Variants in PHF21A observed in about 807,000 individuals in gnomAD.
PHF21A encodes the protein BHC80a.
In PHF21A, 11 loss-of-function variants were observed where a neutral mutation model predicts 82.5. The ratio of observed to expected loss-of-function variants is 0.13; its 90% CI spans 0.08 to 0.22. The LOEUF is 0.22. Among genes scored for constraint, PHF21A ranks in the 10% least tolerant of loss-of-function variants. The pLI, the probability that PHF21A is intolerant of heterozygous loss-of-function variation, is 1.00. For missense variants in PHF21A, 579 were observed against 837.8 expected, an observed-to-expected ratio of 0.69 and a Z score of 3.81; for synonymous variants, 297 against 302.8, an observed-to-expected ratio of 0.98 and a Z score of 0.20.
At chr11:46,034,809 T>C (rs1375666796) in intron 6 of PHF21A, among the ~76,000 whole-genome samples, 1 of 152,148 alleles carries the variant, frequency 6.6e-6, no homozygotes, top group Admixed American at 6.5e-5. Context: ...CAGGATATAG[T>C]GATTGGTCTG....
At chr11:45,966,106 C>T (rs1447075757) in intron 9 of PHF21A, among the ~76,000 whole-genome samples, 1 of 151,988 alleles carries the variant, frequency 6.6e-6, no homozygotes, top group Non-Finnish European at 1.5e-5. Context: ...GATTTTTTTC[C>T]CTGGCACCCC....
intron 3 of PHF21A, among the ~76,000 whole-genome samples, chr11:46,087,788 C>T (rs762463305): frequency 9.9e-5 from 15 of 152,146 alleles, no homozygotes; most frequent in Non-Finnish European, 2.2e-4. Context: ...TAGGGTCTTA[C>T]TGTGTCACCC....
At chr11:46,037,816 A>G (rs1368725595) in intron 6 of PHF21A, among the ~76,000 whole-genome samples, 1 of 151,906 alleles carries the variant, frequency 6.6e-6, no homozygotes, top group Admixed American at 6.6e-5. Context: ...TTTTCCTCCA[A>G]ATTTTCTTGC....
intron 6 of PHF21A, among the ~76,000 whole-genome samples, chr11:46,039,806 T>C (rs2096087785): frequency 6.6e-6 from 1 of 152,200 alleles, no homozygotes; most frequent in African/African-American, 2.4e-5. Context: ...AGTCCTTGAC[T>C]AAAGTCAGAG....
In PHF21A at chr11:45,936,722, G is replaced by T. The variant is rs2135068468; in HGVS notation, c.1609-153C>A. 4.9e-6 allele frequency: 3 copies of T among 610,682 alleles called. No individual in the cohort carries two copies. In the East Asian group the frequency reaches 8.6e-5, roughly 17 times the overall value. The allele number at this position is 610,682 out of a possible 1,614,324, so 37.8% of individuals were successfully genotyped here. On this transcript the variant is annotated intron_variant, in intron 16 of 18. Coordinates refer to ENST00000676320, the MANE Select transcript of PHF21A (RefSeq NM_001352027.3). ...GCAAAACCCTGGTCTATAGTTTCTG[G>T]ACTAAAAAGTTCCAAATATCAGCTT...
At chr11:46,074,722 C>T (rs1324467650) in intron 6 of PHF21A, among the ~76,000 whole-genome samples, 1 of 152,158 alleles carries the variant, frequency 6.6e-6, no homozygotes, top group East Asian at 1.9e-4. Flanking sequence ...AGGCTAGTCT[C>T]GAACCCCTGA....
chr11:45,983,261 T>C (rs892528467), intron 6 of PHF21A, among the ~76,000 whole-genome samples: 4 of 150,136 alleles, frequency 2.7e-5, no homozygotes, highest in African/African-American at 9.8e-5. Flanking sequence ...TGGGGGGACA[T>C]GATCAAAATA....
intron 6 of PHF21A, among the ~76,000 whole-genome samples, chr11:46,008,769 G>A (rs540037667): frequency 3.3e-5 from 5 of 152,132 alleles, no homozygotes; most frequent in Admixed American, 2.0e-4. Context: ...TTAGATTTAA[G>A]TAAATAAATG....
chr11:45,949,955 C>T (rs2091883489), intron 12 of PHF21A, among the ~76,000 whole-genome samples: 1 of 152,078 alleles, frequency 6.6e-6, no homozygotes, highest in Non-Finnish European at 1.5e-5. Context: ...AGAAGAGCTC[C>T]CCTAAATGAA....
chr11:46,085,857 T>G (rs2096850349), intron 3 of PHF21A, among the ~76,000 whole-genome samples: 2 of 152,056 alleles, frequency 1.3e-5, no homozygotes, highest in Non-Finnish European at 2.9e-5. Context: ...CTTATTCTCA[T>G]TAGGCATAAA....
chr11:46,093,208 T>G (rs918452699), intron 1 of PHF21A, among the ~76,000 whole-genome samples: 3 of 152,254 alleles, frequency 2.0e-5, no homozygotes, highest in Admixed American at 1.3e-4. Context: ...TCCCTTAATA[T>G]TTTAGTATTA....
chr11:46,011,539 G>A (rs757457001), intron 6 of PHF21A, among the ~76,000 whole-genome samples: 2 of 152,010 alleles, frequency 1.3e-5, no homozygotes, highest in Non-Finnish European at 2.9e-5. Context: ...TAAGAAGATT[G>A]GCAATTTCTA....
intron 6 of PHF21A, among the ~76,000 whole-genome samples, chr11:45,999,180 A>T (rs977840457): frequency 6.6e-6 from 1 of 152,220 alleles, no homozygotes; most frequent in Non-Finnish European, 1.5e-5. Context: ...TAGAAAATTT[A>T]AAAACTATGT....
At chr11:45,977,942 T>C (rs540766692) in intron 7 of PHF21A, among the ~76,000 whole-genome samples, 2 of 151,862 alleles carry the variant, frequency 1.3e-5, no homozygotes, top group East Asian at 1.9e-4. Context: ...CTACACCACA[T>C]ACCACCCTCC....
chr11:45,945,838 AC>A lies in PHF21A; in HGVS notation c.1452+1del. 1 of 1,565,382 alleles carries A rather than the reference AC, an allele frequency of 6.4e-7. No homozygotes were observed. The highest frequency in any genetic ancestry group is 8.6e-7 in the Non-Finnish European group (1 of 1,158,952). ...ACAGTGTGCTTTTCCCAAGTTACTT[AC>A]GTCTGTGGAGGTGGGGCTGGGCAGG... On this transcript the variant is annotated splice_donor_variant, in intron 15 of 18. Transcript: ENST00000676320. LOFTEE classifies it high-confidence loss of function.
At position 46,110,878 on chromosome 11, in the gene PHF21A, T is replaced by C. The variant is rs111511348; in HGVS notation, c.-237+10057A>G. On this transcript the variant is annotated intron_variant, in intron 1 of 18. Coordinates refer to ENST00000676320, the MANE Select transcript of PHF21A (RefSeq NM_001352027.3). ...GCAGCTCACTGCAACCTCCGCCTTC[T>C]GGGTTCAAGCGATTCTCCTGCCTCA... Among the ~76,000 whole-genome samples the C allele has an allele frequency of 7.4e-3, 1,128 of 151,670 alleles. 12 individuals carry two copies. The highest frequency in any genetic ancestry group is 0.017 in the Middle Eastern group (5 of 292).
At chr11:46,048,779 AT>A (rs1302627457) in intron 6 of PHF21A, among the ~76,000 whole-genome samples, 1 of 152,078 alleles carries the variant, frequency 6.6e-6, no homozygotes, top group Non-Finnish European at 1.5e-5. Context: ...CAAAAAAAAA[AT>A]AATTTTTTTT....
intron 6 of PHF21A, among the ~76,000 whole-genome samples, chr11:45,987,660 CAA>C (rs71038877): frequency 4.7e-3 from 165 of 34,868 alleles, no homozygotes; most frequent in South Asian, 8.3e-3. Flanking sequence ...GACCCCGTCT[CAA>C]AAAAAAAAAA....
chr11:46,048,071 C>A (rs562962284), intron 6 of PHF21A, among the ~76,000 whole-genome samples: 1 of 152,300 alleles, frequency 6.6e-6, no homozygotes, highest in Admixed American at 6.5e-5. Context: ...TTGCACAACT[C>A]CAGAATTAAT....
Sources: gnomAD v4.1 joint callset for allele counts (sites outside exome capture counted in the v4.1 genomes callset) on GRCh38, gnomAD v4.1.1 for gene constraint, MANE v1.5 for transcripts, NCBI Gene and HGNC (gene_info 2026-07-23, HGNC 2026-07-21) for gene names.